MICU1: variants seen among roughly 807,000 people sequenced by gnomAD.
The protein encoded by MICU1 is mitochondrial calcium uptake 1, also known as calcium uptake protein 1, mitochondrial.
A neutral mutation model predicts 56.8 loss-of-function variants in MICU1; 45 were observed. That is an observed-to-expected ratio of 0.79 (90% CI 0.62 to 1.02). The LOEUF is 1.02. Ranked by LOEUF, MICU1 falls within the 50% of genes least tolerant of loss-of-function variation. The probability of loss-of-function intolerance (pLI) is 0.00; values close to 1 mark genes in which losing one functional copy is unlikely to be tolerated. For missense variants in MICU1, 504 were observed against 587.1 expected, an observed-to-expected ratio of 0.86 and a Z score of 1.46; for synonymous variants, 186 against 195.1, an observed-to-expected ratio of 0.95 and a Z score of 0.39.
Position 72,508,227 on chromosome 10 carries a change from T to G in MICU1, c.580A>C (p.Ile194Leu). The G allele has an allele frequency of 6.5e-7, 1 of 1,540,318 alleles. No homozygotes were observed. The highest frequency in any genetic ancestry group is 8.8e-7 in the Non-Finnish European group (1 of 1,131,088). The change falls in exon 6 of 12, where the codon ATA becomes CTA. Residue 194 changes from isoleucine to leucine, a missense_variant. Ile to Leu is a conservative substitution (Grantham distance 5). Transcript: ENST00000361114. Reference sequence around the variant, plus strand: ...CCACATTCTCCAAGGGTGTAAAATATACTGCCTTCATCAGCAAATTTTTCT... The same window carrying G: ...CCACATTCTCCAAGGGTGTAAAATAGACTGCCTTCATCAGCAAATTTTTCT... Reference protein sequence around the residue: ...EREKFADEGSIFYTLGECGLI... With the variant: ...EREKFADEGSLFYTLGECGLI...
At chr10:72,398,990 A>G (rs1405037227) in intron 10 of MICU1, among the ~76,000 whole-genome samples, 2 of 152,214 alleles carry the variant, frequency 1.3e-5, no homozygotes, top group Non-Finnish European at 2.9e-5. Flanking sequence ...GACACAACAA[A>G]AAAAGAGAAT....
intron 6 of MICU1, among the ~76,000 whole-genome samples, chr10:72,502,454 C>A (rs1239577668): frequency 6.6e-6 from 1 of 152,194 alleles, no homozygotes; most frequent in Non-Finnish European, 1.5e-5. Flanking sequence ...CCGCGCCCAG[C>A]CTTATTCCGT....
intron 11 of MICU1, among the ~76,000 whole-genome samples, chr10:72,373,354 T>G (rs1862411118): frequency 6.6e-6 from 1 of 151,924 alleles, no homozygotes; most frequent in Non-Finnish European, 1.5e-5. Context: ...TAAACTTATT[T>G]TTTGTAGCGA....
intron 9 of MICU1, among the ~76,000 whole-genome samples, chr10:72,416,196 GA>G (rs35242260): frequency 1.3e-5 from 2 of 152,008 alleles, no homozygotes; most frequent in Non-Finnish European, 2.9e-5. Flanking sequence ...TCATTGTGGG[GA>G]AAAAACAGGA....
intron 8 of MICU1, among the ~76,000 whole-genome samples, chr10:72,431,811 A>G (rs973400874): frequency 1.3e-5 from 2 of 152,182 alleles, no homozygotes; most frequent in Non-Finnish European, 2.9e-5. Context: ...AAATGTATCA[A>G]TTTGCAATCC....
chr10:72,380,779 G>A (rs1862676779), intron 10 of MICU1, among the ~76,000 whole-genome samples: 1 of 152,086 alleles, frequency 6.6e-6, no homozygotes, highest in African/African-American at 2.4e-5. Context: ...TTCCATATAT[G>A]GACAATATCA....
chr10:72,454,112 G>A (rs371287545), intron 8 of MICU1, among the ~76,000 whole-genome samples: 6 of 152,100 alleles, frequency 3.9e-5, no homozygotes, highest in African/African-American at 1.4e-4. Context: ...GATTACAGGC[G>A]TGAGCTACCC....
intron 1 of MICU1, among the ~76,000 whole-genome samples, chr10:72,569,155 G>C (rs1479169817): frequency 7.3e-6 from 1 of 136,810 alleles, no homozygotes; most frequent in Non-Finnish European, 1.6e-5. Context: ...AATTAAACAA[G>C]ATAAATACAA....
intron 10 of MICU1, among the ~76,000 whole-genome samples, chr10:72,405,641 T>C (rs1210521730): frequency 4.0e-5 from 6 of 151,882 alleles, no homozygotes; most frequent in Admixed American, 2.0e-4. Context: ...AAATCAAGTC[T>C]AGTAATACAT....
Position 72,481,667 on chromosome 10 carries a change from C to A in MICU1, c.653-4411G>T, listed in dbSNP as rs529499741. On this transcript the variant is annotated intron_variant, in intron 6 of 11. Coordinates refer to ENST00000361114, the MANE Select transcript of MICU1 (RefSeq NM_001195518.2). The stretch of plus-strand genomic sequence containing the variant: ...CCTCAAGTGATGCACCCGCCTTGGC[C>A]TCCCAAAGTGTCGGGATTACAGGCG... 3.3e-5 allele frequency among the ~76,000 whole-genome samples: 5 copies of A among 152,322 alleles called. No homozygotes were observed. In the South Asian group the frequency reaches 1.0e-3, roughly 32 times the overall value.
At chr10:72,552,538 G>GTTTTA (rs1840059649) in intron 3 of MICU1, among the ~76,000 whole-genome samples, 1 of 152,160 alleles carries the variant, frequency 6.6e-6, no homozygotes, top group Non-Finnish European at 1.5e-5. Flanking sequence ...CTTTATTGAT[G>GTTTTA]TTTTATTTTA....
At chr10:72,623,239 G>A (rs1007622129) in intron 1 of MICU1, among the ~76,000 whole-genome samples, 23 of 136,542 alleles carry the variant, frequency 1.7e-4, no homozygotes, top group African/African-American at 6.3e-4. Flanking sequence ...CCATTGCACT[G>A]TAGCCTTGGC....
chr10:72,579,576 A>AT (rs1315878725), intron 1 of MICU1, among the ~76,000 whole-genome samples: 2 of 151,904 alleles, frequency 1.3e-5, no homozygotes, highest in South Asian at 4.1e-4. Context: ...TACCTGACAC[A>AT]TTTTTTTCAT....
intron 6 of MICU1, among the ~76,000 whole-genome samples, chr10:72,499,485 A>C (rs2132323203): frequency 6.6e-6 from 1 of 152,366 alleles, no homozygotes; most frequent in Admixed American, 6.5e-5. Flanking sequence ...ACATTGTGAT[A>C]CTTTTGGCCT....
At chr10:72,433,334 T>A (rs1589215125) in intron 8 of MICU1, among the ~76,000 whole-genome samples, 3 of 138,120 alleles carry the variant, frequency 2.2e-5, no homozygotes, top group Middle Eastern at 4.8e-3. Flanking sequence ...GCAACCTCTA[T>A]CTCCTGGGTT....
intron 1 of MICU1, among the ~76,000 whole-genome samples, chr10:72,620,409 C>T (rs1429923699): frequency 6.6e-6 from 1 of 152,172 alleles, no homozygotes; most frequent in South Asian, 2.1e-4. Flanking sequence ...TGGTTTCGAA[C>T]TCCTGACCTC....
At chr10:72,497,476 G>A (rs1866885930) in intron 6 of MICU1, among the ~76,000 whole-genome samples, 1 of 152,156 alleles carries the variant, frequency 6.6e-6, no homozygotes, top group South Asian at 2.1e-4. Flanking sequence ...CTATACAGAT[G>A]GACCAATACA....
At chr10:72,424,175 C>T (rs1193474443) in intron 8 of MICU1, among the ~76,000 whole-genome samples, 1 of 149,654 alleles carries the variant, frequency 6.7e-6, no homozygotes, top group Non-Finnish European at 1.5e-5. Context: ...TGCAATGGTG[C>T]GATCTTGGTT....
chr10:72,424,122 CT>C (rs1262728176), intron 8 of MICU1, among the ~76,000 whole-genome samples: 1 of 150,298 alleles, frequency 6.7e-6, no homozygotes, highest in African/African-American at 2.5e-5. Context: ...TCCCCCCCAC[CT>C]TTTTTTTTAA....
Sources: allele counts gnomAD v4.1 joint callset (sites outside exome capture counted in the v4.1 genomes callset), GRCh38; gene constraint gnomAD v4.1.1; transcripts MANE v1.5; gene names NCBI Gene and HGNC (gene_info 2026-07-23, HGNC 2026-07-21).